KLRC3: variants seen among roughly 807,000 people sequenced by gnomAD.
KLRC3 encodes the protein killer cell lectin like receptor C3.
A neutral mutation model predicts 23.6 loss-of-function variants in KLRC3; 16 were observed. That is an observed-to-expected ratio of 0.68 (90% CI 0.46 to 1.03). KLRC3 has a LOEUF of 1.03. Among genes scored for constraint, KLRC3 ranks in the 50% least tolerant of loss-of-function variants. KLRC3 has a pLI of 0.00. For synonymous variants in KLRC3, 70 were observed against 71.8 expected, an observed-to-expected ratio of 0.98 and a Z score of 0.13; for missense variants, 209 against 232.2, an observed-to-expected ratio of 0.90 and a Z score of 0.65.
Position 10,415,701 on chromosome 12 carries a change from C to T in KLRC3, c.678+3G>A. Reference sequence around the variant, plus strand: ...GCGCTTTAATTCTAAAGCTTATGCTCACAATGATTCTTGAAGATCCACACT... The same window carrying T: ...GCGCTTTAATTCTAAAGCTTATGCTTACAATGATTCTTGAAGATCCACACT... On this transcript the variant is annotated splice_donor_region_variant and intron_variant, in intron 6 of 6. Coordinates refer to ENST00000396439, the MANE Select transcript of KLRC3 (RefSeq NM_002261.3). The T allele has an allele frequency of 6.2e-7, 1 of 1,612,690 alleles. No individual in the cohort carries two copies. The highest frequency in any genetic ancestry group is 1.1e-5 in the South Asian group (1 of 90,868).
chr12:10,413,765 C>CATTTCTCATCATTTACATTAGG (rs1863603545), intron 6 of KLRC3, among the ~76,000 whole-genome samples: 1 of 152,052 alleles, frequency 6.6e-6, no homozygotes, highest in African/African-American at 2.4e-5. Context: ...TCTCCTAATG[C>CATTTCTCATCATTTACATTAGG]TATCCCTCCC....
chr12:10,415,729 T>G lies in KLRC3; in HGVS notation c.653A>C (p.Asp218Ala), dbSNP rs1269752821. 2.6e-5 allele frequency: 42 copies of G among 1,613,690 alleles called. No individual in the cohort carries two copies. The highest frequency in any genetic ancestry group is 3.6e-5 in the Non-Finnish European group (42 of 1,179,778). Residue 218 changes from aspartate (D) to alanine (A), a missense_variant, in exon 6 of 7, where the codon GAC (aspartate) becomes GCC (alanine). Around this residue, in one of 4 missense-constraint regions of KLRC3, gnomAD observed 74 missense variants for 51.0 expected, o/e 1.45. Coordinates refer to ENST00000396439, the MANE Select transcript of KLRC3 (RefSeq NM_002261.3). ...AMLHVRGLIS[D>A]QCGSSRIIRR... ...AATGATTCTTGAAGATCCACACTGG[T>G]CTGATATAAGTCCACGTACATGTAG...
chr12:10,414,652 C>T (rs1272678419), intron 6 of KLRC3, among the ~76,000 whole-genome samples: 5 of 149,178 alleles, frequency 3.4e-5, no homozygotes, highest in Non-Finnish European at 5.9e-5. Context: ...GGAGATATAC[C>T]TAATGCTAAA....
chr12:10,418,913 T>C, intron 3 of KLRC3, 131 bp downstream of exon 3: 4 of 341,592 alleles, frequency 1.2e-5, no homozygotes, highest in South Asian at 1.1e-4. Flanking sequence ...CTCATAATCT[T>C]TCTTTATAAA....
At chr12:10,415,492 T>G in intron 6 of KLRC3, 3 of 773,408 alleles carry the variant, frequency 3.9e-6, no homozygotes, top group Non-Finnish European at 5.9e-6. Context: ...TTCAGCAAAA[T>G]GAGCCTGACT....
chr12:10,417,880 C>T (rs1197685973), intron 4 of KLRC3, among the ~76,000 whole-genome samples: 6 of 152,162 alleles, frequency 3.9e-5, no homozygotes, highest in Non-Finnish European at 7.4e-5. Flanking sequence ...TGTATAATTC[C>T]GTTTTTTATA....
chr12:10,420,327 C>T (rs749772659), intron 1 of KLRC3, 37 bp downstream of exon 1: 22 of 1,598,288 alleles, frequency 1.4e-5, no homozygotes, highest in Admixed American at 3.4e-5. Flanking sequence ...CTGCACATCC[C>T]AGAACAATAA....
chr12:10,416,454 C>A (rs1316654400), intron 5 of KLRC3, among the ~76,000 whole-genome samples: 5 of 152,246 alleles, frequency 3.3e-5, no homozygotes, highest in Non-Finnish European at 7.3e-5. Context: ...TTAGACACCC[C>A]TGGTCCATCT....
chr12:10,416,294 G>A (rs778672463), intron 5 of KLRC3, among the ~76,000 whole-genome samples: 1 of 152,116 alleles, frequency 6.6e-6, no homozygotes, highest in Non-Finnish European at 1.5e-5. Flanking sequence ...CTTTCAATGC[G>A]GCCCAACACA....
chr12:10,418,200 CATT>C (rs1364240592), intron 4 of KLRC3, 141 bp downstream of exon 4: 5 of 840,312 alleles, frequency 6.0e-6, no homozygotes, highest in Admixed American at 6.0e-5. Context: ...ACTTTAAAAA[CATT>C]ATTAAGTCAA....
chr12:10,414,947 A>G (rs1863619394), intron 6 of KLRC3, among the ~76,000 whole-genome samples: 2 of 152,264 alleles, frequency 1.3e-5, no homozygotes, highest in Middle Eastern at 3.4e-3. Context: ...TCAGAATGCT[A>G]TTTACAAAAG....
Position 10,420,470 on chromosome 12 carries a change from A to G in KLRC3, c.81T>C (p.Asn27=). The change falls in exon 1 of 7, where the codon AAT becomes AAC. Residue 27 remains asparagine, a synonymous_variant. Coordinates refer to ENST00000396439, the MANE Select transcript of KLRC3 (RefSeq NM_002261.3). ...PKWQQRKPKG[N]KSSISGTEQE... ...GTTCGGTTCCTGAAATGGAGCTTTTATTGCCTTTAGGTTTCCTTTGCTGCC... is the reference window on the plus strand; with the variant it reads ...GTTCGGTTCCTGAAATGGAGCTTTTGTTGCCTTTAGGTTTCCTTTGCTGCC... 1 of 1,612,526 alleles carries G rather than the reference A, an allele frequency of 6.2e-7. No homozygotes were observed. The highest frequency in any genetic ancestry group is 1.3e-5 in the African/African-American group (1 of 74,534).
chr12:10,415,853 A>G, intron 5 of KLRC3, 59 bp from the exon 6 acceptor site: 1 of 1,248,042 alleles, frequency 8.0e-7, no homozygotes. Flanking sequence ...CCATGAGACA[A>G]AAGCATTTTC....
chr12:10,413,397 A>G (rs1863598922), intron 6 of KLRC3, among the ~76,000 whole-genome samples: 1 of 152,200 alleles, frequency 6.6e-6, no homozygotes, highest in Non-Finnish European at 1.5e-5. Flanking sequence ...TGGTCTTTAC[A>G]GTTATTAAAC....
At position 10,417,657 on chromosome 12, in the gene KLRC3, C is replaced by T. The variant is rs567824388; in HGVS notation, c.486+687G>A. On this transcript the variant is annotated intron_variant, in intron 4 of 6. Transcript: ENST00000396439. ...TGGGTGAGGAGGATCAGGAAAGGGA[C>T]CCACGACTACCAATGCACCATCCAG... Among the ~76,000 whole-genome samples the T allele has an allele frequency of 3.9e-3, 60 of 15,292 alleles. 1 individual carries two copies. The highest frequency in any genetic ancestry group is 0.012 in the African/African-American group (60 of 4,914). The allele number at this position is 15,292 out of a possible 152,430, so 10.0% of individuals were successfully genotyped here.
chr12:10,420,545 A>G lies in KLRC3; in HGVS notation c.6T>C (p.Ser2=). The G allele has an allele frequency of 6.3e-7, 1 of 1,598,470 alleles. No individual in the cohort carries two copies. The highest frequency in any genetic ancestry group is 1.1e-5 in the South Asian group (1 of 88,922). The change falls in exon 1 of 7, where the codon AGT becomes AGC. Residue 2 remains serine, a synonymous_variant. Transcript: ENST00000396439. M[S]KQRGTFSEVS... ...CTTCTGAGAAGGTTCCTCTTTGTTT[A>G]CTCATCTCTGCAGCTGTGTGATGTG...
intron 5 of KLRC3, among the ~76,000 whole-genome samples, chr12:10,416,045 T>C (rs1188630697): frequency 6.6e-6 from 1 of 152,210 alleles, no homozygotes; most frequent in African/African-American, 2.4e-5. Flanking sequence ...ATGTTTTCTC[T>C]ACACATTCAT....
intron 5 of KLRC3, among the ~76,000 whole-genome samples, chr12:10,416,233 A>G (rs1863640969): frequency 6.6e-6 from 1 of 152,256 alleles, no homozygotes; most frequent in Non-Finnish European, 1.5e-5. Context: ...CTGATAGTCC[A>G]TCTCAAGCTT....
At chr12:10,415,416 T>C (rs1341975894) in intron 6 of KLRC3, among the ~76,000 whole-genome samples, 1 of 152,224 alleles carries the variant, frequency 6.6e-6, no homozygotes, top group African/African-American at 2.4e-5. Flanking sequence ...TTGTTCTTGA[T>C]ACTTCATATA....
Sources: allele counts gnomAD v4.1 joint callset (sites outside exome capture counted in the v4.1 genomes callset), GRCh38; gene constraint gnomAD v4.1.1; regional missense constraint gnomAD v4.1.1; transcripts MANE v1.5; gene names NCBI Gene and HGNC (gene_info 2026-07-23, HGNC 2026-07-21).